Variants in DUSP29 observed in about 807,000 individuals in gnomAD.
The protein encoded by DUSP29 is atypical dual-specific protein phosphatase.
In DUSP29, 12 loss-of-function variants were observed where a neutral mutation model predicts 13.5. That is an observed-to-expected ratio of 0.89 (90% CI 0.57 to 1.44). DUSP29 has a LOEUF of 1.44. DUSP29 is among the 40% of genes most tolerant of loss of function. DUSP29 has a pLI of 0.00. For missense variants in DUSP29, 308 were observed against 301.1 expected (o/e 1.02, Z -0.17); for synonymous variants, 134 against 128.7 (o/e 1.04, Z -0.28).
In DUSP29 at chr10:75,052,584, G is replaced by T. The variant is rs1379847252; in HGVS notation, c.200+5731C>A. On this transcript the variant is annotated intron_variant, in intron 2 of 3. Coordinates refer to ENST00000338487, the MANE Select transcript of DUSP29 (RefSeq NM_001003892.3). Reference sequence around the variant, plus strand: ...GGCCTCCCAAAGTGCTGGGATTACAGGCGTGAGCCAACGCGCCCGGCCATC... The same window carrying T: ...GGCCTCCCAAAGTGCTGGGATTACATGCGTGAGCCAACGCGCCCGGCCATC... Among the ~76,000 whole-genome samples the T allele has an allele frequency of 2.6e-5, 4 of 152,200 alleles. 1 individual carries two copies. The highest frequency in any genetic ancestry group is 5.9e-5 in the Non-Finnish European group (4 of 68,028).
chr10:75,073,347 G>A (rs1025122980), intron 1 of DUSP29, among the ~76,000 whole-genome samples: 8 of 152,338 alleles, frequency 5.3e-5, no homozygotes, highest in Admixed American at 1.3e-4. Context: ...AGAAATGGTC[G>A]TTGAACTGGA....
chr10:75,040,300 T>C (rs1485818559), intron 3 of DUSP29, among the ~76,000 whole-genome samples: 1 of 152,220 alleles, frequency 6.6e-6, no homozygotes, highest in Admixed American at 6.5e-5. Context: ...CCCTTATCCA[T>C]AATATATTTT....
chr10:75,065,433 ATTCTCC>A (rs1445512072), intron 1 of DUSP29, among the ~76,000 whole-genome samples: 1 of 151,454 alleles, frequency 6.6e-6, no homozygotes, highest in Non-Finnish European at 1.5e-5. Flanking sequence ...GGTTCAAGCG[ATTCTCC>A]TGCCTCAGCC....
At chr10:75,069,904 G>A (rs1036583113) in intron 1 of DUSP29, among the ~76,000 whole-genome samples, 2 of 150,660 alleles carry the variant, frequency 1.3e-5, no homozygotes. Context: ...AAAAAAATGA[G>A]CTGGGCGTGG....
intron 1 of DUSP29, among the ~76,000 whole-genome samples, chr10:75,062,313 G>A (rs1211433880): frequency 1.3e-5 from 2 of 152,214 alleles, no homozygotes; most frequent in East Asian, 3.8e-4. Context: ...GCGGTTAATG[G>A]AAGCTTCAGA....
At chr10:75,056,595 A>T (rs543689830) in intron 2 of DUSP29, among the ~76,000 whole-genome samples, 16 of 151,774 alleles carry the variant, frequency 1.1e-4, no homozygotes, top group African/African-American at 3.4e-4. Flanking sequence ...TGAACCCAGG[A>T]GGTGGAGGTT....
intron 3 of DUSP29, among the ~76,000 whole-genome samples, chr10:75,040,597 G>A (rs765865081): frequency 1.8e-4 from 27 of 152,088 alleles, no homozygotes; most frequent in Non-Finnish European, 2.4e-4. Context: ...CATGATATTC[G>A]GTGACCTCTT....
intron 1 of DUSP29, among the ~76,000 whole-genome samples, chr10:75,065,606 G>A (rs1057452441): frequency 1.2e-4 from 18 of 152,124 alleles, no homozygotes; most frequent in African/African-American, 4.3e-4. Flanking sequence ...TGGGATTACA[G>A]GCATGAGCCA....
Position 75,037,821 on chromosome 10 carries a change from C to A in DUSP29, c.*15G>T. 1.3e-6 allele frequency: 2 copies of A among 1,592,928 alleles called. No individual in the cohort carries two copies. The highest frequency in any genetic ancestry group is 1.7e-6 in the Non-Finnish European group (2 of 1,169,770). On this transcript the variant is annotated 3_prime_UTR_variant, in exon 4 of 4. Transcript: ENST00000338487. ...CTCTGTCCCCAAGTGCCTCTGCTGG[C>A]CCTGTGAGTCGGGCCTACAGCTCCC...
At position 75,037,772 on chromosome 10, in the gene DUSP29, C is replaced by A; in HGVS notation, c.*64G>T. 2 of 1,540,004 alleles carry A rather than the reference C, an allele frequency of 1.3e-6. No homozygotes were observed. Among genetic ancestry groups the A allele is most frequent in the Admixed American group, 1.8e-5 (1 of 54,252 alleles). On this transcript the variant is annotated 3_prime_UTR_variant, in exon 4 of 4. Coordinates refer to ENST00000338487, the MANE Select transcript of DUSP29 (RefSeq NM_001003892.3). ...ACCATCCCTTCTCTGGAGTCCTAGG[C>A]CAGGGCTATGTTCTGCCTCTCCCCT...
intron 1 of DUSP29, among the ~76,000 whole-genome samples, chr10:75,059,621 G>C (rs1847044915): frequency 6.6e-6 from 1 of 152,074 alleles, no homozygotes. Context: ...ATGAATTGAG[G>C]CTGTCTGTAG....
chr10:75,060,994 A>G (rs1847075972), intron 1 of DUSP29, among the ~76,000 whole-genome samples: 1 of 152,192 alleles, frequency 6.6e-6, no homozygotes, highest in Non-Finnish European at 1.5e-5. Flanking sequence ...TGGGCTGGCT[A>G]TGAGTGATGG....
At chr10:75,061,794 G>A (rs991923583) in intron 1 of DUSP29, among the ~76,000 whole-genome samples, 3 of 152,314 alleles carry the variant, frequency 2.0e-5, no homozygotes, top group South Asian at 2.1e-4. Context: ...TGTCTGGCAC[G>A]TAAGAGGTGC....
intron 3 of DUSP29, among the ~76,000 whole-genome samples, chr10:75,038,993 T>C (rs1420564719): frequency 2.0e-5 from 3 of 152,160 alleles, no homozygotes; most frequent in Admixed American, 6.5e-5. Flanking sequence ...GGCAACACTT[T>C]TGTTCCTTCT....
chr10:75,044,934 G>A (rs1846672381), intron 2 of DUSP29, among the ~76,000 whole-genome samples: 1 of 152,186 alleles, frequency 6.6e-6, no homozygotes, highest in Non-Finnish European at 1.5e-5. Context: ...ACCACCTGAG[G>A]TATGGAGGCT....
At chr10:75,072,117 C>G (rs1847343146) in intron 1 of DUSP29, among the ~76,000 whole-genome samples, 1 of 152,136 alleles carries the variant, frequency 6.6e-6, no homozygotes, top group Admixed American at 6.5e-5. Flanking sequence ...TTCTCCAAGC[C>G]CACATGTGAT....
At chr10:75,039,281 C>G (rs1233931002) in intron 3 of DUSP29, among the ~76,000 whole-genome samples, 5 of 152,172 alleles carry the variant, frequency 3.3e-5, no homozygotes, top group Non-Finnish European at 7.3e-5. Flanking sequence ...GCTTGCAGGT[C>G]CTTATGTTCT....
chr10:75,056,022 C>T (rs1180909008), intron 2 of DUSP29, among the ~76,000 whole-genome samples: 1 of 152,118 alleles, frequency 6.6e-6, no homozygotes, highest in Non-Finnish European at 1.5e-5. Flanking sequence ...CAATCTTCCT[C>T]CCTCCCCAGT....
intron 1 of DUSP29, among the ~76,000 whole-genome samples, 162 bp from the exon 2 acceptor site, chr10:75,058,710 A>G (rs948811730): frequency 1.3e-5 from 2 of 152,200 alleles, no homozygotes; most frequent in African/African-American, 4.8e-5. Context: ...CAGGTAAACA[A>G]GGAAGGCCAT....
Sources: gnomAD v4.1 joint callset for allele counts (sites outside exome capture counted in the v4.1 genomes callset) on GRCh38, gnomAD v4.1.1 for gene constraint, MANE v1.5 for transcripts, NCBI Gene and HGNC (gene_info 2026-07-23, HGNC 2026-07-21) for gene names.